Variants in ZBTB7C observed in about 807,000 individuals in gnomAD.
The protein encoded by ZBTB7C is zinc finger and BTB domain-containing protein 7C.
A neutral mutation model predicts 25.7 loss-of-function variants in ZBTB7C; 8 were observed. That is an observed-to-expected ratio of 0.31 (90% CI 0.18 to 0.56). The LOEUF is 0.56. Among genes scored for constraint, ZBTB7C ranks in the 20% least tolerant of loss-of-function variants. The pLI is 0.91. For synonymous variants in ZBTB7C, 394 were observed against 369.0 expected (o/e 1.07, Z -0.78); for missense variants, 824 against 855.2 (o/e 0.96, Z 0.46).
rs559290413 is a variant in ZBTB7C at position 48,144,169 on chromosome 18, C to T, written c.-17+41765G>A. On this transcript the variant is annotated intron_variant, in intron 3 of 4. Transcript: ENST00000590800. ...TGGTGCCTGCCTGTAATCCCAGCTA[C>T]TCGGGAGGCTGAGGCAGAAGAATCA... is the stretch of plus-strand genomic sequence containing the variant. 2.6e-5 allele frequency among the ~76,000 whole-genome samples: 4 copies of T among 152,160 alleles called. No individual in the cohort carries two copies. The East Asian group carries it at 7.8e-4, about 30-fold the overall frequency.
intron 2 of ZBTB7C, among the ~76,000 whole-genome samples, chr18:48,204,091 T>C (rs184117256): frequency 6.6e-6 from 1 of 152,356 alleles, no homozygotes; most frequent in African/African-American, 2.4e-5. Flanking sequence ...CCCTTCTCTC[T>C]GCAGTGCCTC....
chr18:48,342,646 A>G (rs1395391162), intron 1 of ZBTB7C, among the ~76,000 whole-genome samples: 3 of 152,038 alleles, frequency 2.0e-5, no homozygotes, highest in Non-Finnish European at 4.4e-5. Flanking sequence ...CAAATGGAAT[A>G]TTTTTTTCTT....
rs757142741 is a variant in ZBTB7C, at chr18:48,306,789, G to A, written c.-79+31385C>T. On this transcript the variant is annotated intron_variant, in intron 2 of 4. Transcript: ENST00000590800. ...GCCTACCTTTTACGTGGTGCTGACA[G>A]CAAAACAAAACAAAAAAGCAGGTTC... is the stretch of plus-strand genomic sequence containing the variant. Among the ~76,000 whole-genome samples the A allele has an allele frequency of 3.3e-5, 5 of 152,114 alleles. No individual in the cohort carries two copies. In the South Asian group the frequency reaches 1.0e-3, roughly 32 times the overall value.
chr18:48,328,160 G>C (rs373254493), intron 2 of ZBTB7C, among the ~76,000 whole-genome samples: 8 of 147,478 alleles, frequency 5.4e-5, no homozygotes, highest in Non-Finnish European at 7.4e-5. Context: ...CCAGCCTGGG[G>C]GACAGAGCGA....
chr18:48,073,166 CTT>C (rs570254024), intron 3 of ZBTB7C, among the ~76,000 whole-genome samples: 5 of 152,180 alleles, frequency 3.3e-5, no homozygotes, highest in Non-Finnish European at 5.9e-5. Flanking sequence ...TTAAACTGGA[CTT>C]GTCCGACTTC....
intron 2 of ZBTB7C, among the ~76,000 whole-genome samples, chr18:48,313,991 C>G (rs1011422590): frequency 9.2e-5 from 14 of 152,164 alleles, no homozygotes; most frequent in Admixed American, 3.3e-4. Context: ...CCAGCTTTGG[C>G]ATGTGACATG....
chr18:48,249,819 A>G (rs1469440696), intron 2 of ZBTB7C, among the ~76,000 whole-genome samples: 1 of 152,072 alleles, frequency 6.6e-6, no homozygotes, highest in Non-Finnish European at 1.5e-5. Flanking sequence ...ACCACTTTTA[A>G]CACTCCCTCT....
intron 3 of ZBTB7C, among the ~76,000 whole-genome samples, chr18:48,166,729 C>T (rs2041259010): frequency 6.6e-6 from 1 of 152,218 alleles, no homozygotes; most frequent in Non-Finnish European, 1.5e-5. Flanking sequence ...GGGCACTACA[C>T]TGCCACAGGC....
At chr18:48,113,656 A>C (rs2039324522) in intron 3 of ZBTB7C, among the ~76,000 whole-genome samples, 1 of 151,754 alleles carries the variant, frequency 6.6e-6, no homozygotes, top group Non-Finnish European at 1.5e-5. Flanking sequence ...TTAAGAATGA[A>C]ACATGTGCAA....
chr18:48,175,973 AG>A (rs1365890239), intron 3 of ZBTB7C, among the ~76,000 whole-genome samples: 2 of 152,240 alleles, frequency 1.3e-5, no homozygotes, highest in East Asian at 3.8e-4. Context: ...ATGGGCCAAA[AG>A]TCATCAATGG....
intron 3 of ZBTB7C, among the ~76,000 whole-genome samples, chr18:48,099,805 T>A (rs1000229780): frequency 2.0e-4 from 31 of 152,204 alleles, no homozygotes; most frequent in Admixed American, 1.8e-3. Flanking sequence ...CCAGGACAGG[T>A]ACAGAGGCTC....
intron 2 of ZBTB7C, among the ~76,000 whole-genome samples, chr18:48,290,157 T>G (rs1231969563): frequency 6.6e-6 from 1 of 152,224 alleles, no homozygotes; most frequent in East Asian, 1.9e-4. Context: ...GCTACTGATA[T>G]TTTTTACAAA....
chr18:48,073,641 C>T (rs2037641434), intron 3 of ZBTB7C, among the ~76,000 whole-genome samples: 1 of 152,188 alleles, frequency 6.6e-6, no homozygotes, highest in African/African-American at 2.4e-5. Context: ...TCTTTCTCTC[C>T]TTCCCCTGCC....
At chr18:48,212,004 G>A (rs1375349209) in intron 2 of ZBTB7C, among the ~76,000 whole-genome samples, 1 of 152,126 alleles carries the variant, frequency 6.6e-6, no homozygotes, top group African/African-American at 2.4e-5. Flanking sequence ...AAAAAGACAT[G>A]AGCTATTAAG....
At chr18:48,114,909 T>C (rs1454543071) in intron 3 of ZBTB7C, among the ~76,000 whole-genome samples, 2 of 152,238 alleles carry the variant, frequency 1.3e-5, no homozygotes, top group African/African-American at 4.8e-5. Context: ...TTTTATTTTT[T>C]GGGAAAATAT....
Position 48,029,477 on chromosome 18 carries a change from T to A in ZBTB7C, c.1643A>T (p.Glu548Val). The A allele has an allele frequency of 6.3e-7, 1 of 1,596,902 alleles. No homozygotes were observed. Residue 548 changes from glutamate to valine, a missense_variant, in exon 5 of 5, where the codon GAG (glutamate) becomes GTG (valine). Around this residue, in one of 4 missense-constraint regions of ZBTB7C, gnomAD observed 342 missense variants for 307.0 expected, o/e 1.11. Coordinates refer to ENST00000590800, the MANE Select transcript of ZBTB7C (RefSeq NM_001318841.2). ...CATCTGTGTCTCCTCGAACTGCCGC[T>A]CCAGCTCTTGCAGGCTCAGGGCGCC... Reference protein sequence around the residue: ...PKGALSLQELERQFEETQMKL... With the variant: ...PKGALSLQELVRQFEETQMKL...
chr18:48,048,136 A>G (rs1053198896), intron 3 of ZBTB7C, among the ~76,000 whole-genome samples: 3 of 152,174 alleles, frequency 2.0e-5, no homozygotes, highest in African/African-American at 2.4e-5. Flanking sequence ...CTGAGACCCA[A>G]GCTTGCCAGG....
chr18:48,130,989 C>A (rs1041638142), intron 3 of ZBTB7C, among the ~76,000 whole-genome samples: 1 of 152,168 alleles, frequency 6.6e-6, no homozygotes, highest in African/African-American at 2.4e-5. Context: ...CTGCAACTCC[C>A]ACCTCCTGGG....
intron 3 of ZBTB7C, among the ~76,000 whole-genome samples, chr18:48,173,081 C>T (rs760708132): frequency 6.6e-6 from 1 of 152,230 alleles, no homozygotes; most frequent in Non-Finnish European, 1.5e-5. Context: ...CCATCTTCCT[C>T]TTCCCAAGAT....
Sources: allele counts gnomAD v4.1 joint callset (sites outside exome capture counted in the v4.1 genomes callset), GRCh38; gene constraint gnomAD v4.1.1; regional missense constraint gnomAD v4.1.1; transcripts MANE v1.5; gene names NCBI Gene and HGNC (gene_info 2026-07-23, HGNC 2026-07-21).